Variants in CHN2 observed in about 807,000 individuals in gnomAD.
CHN2 encodes chimerin 2.
Under a neutral mutation model 56.3 loss-of-function variants are expected in CHN2, and 35 were observed. That is an observed-to-expected ratio of 0.62 (90% confidence interval 0.47 to 0.82). The LOEUF is 0.82. CHN2 is among the 40% of genes least tolerant of loss of function. The pLI, the probability that CHN2 is intolerant of heterozygous loss-of-function variation, is 0.00. For synonymous variants in CHN2, 210 were observed against 212.8 expected (o/e 0.99, Z 0.12); for missense variants, 491 against 580.5 (o/e 0.85, Z 1.58).
chr7:29,296,084 ATTTTT>A (rs11367150), intron 1 of CHN2, among the ~76,000 whole-genome samples: 3 of 145,358 alleles, frequency 2.1e-5, no homozygotes, highest in Non-Finnish European at 4.6e-5. Context: ...TGTAATCACC[ATTTTT>A]TTTTTTTTTT....
At chr7:29,448,984 G>A (rs1346806671) in intron 6 of CHN2, among the ~76,000 whole-genome samples, 3 of 152,194 alleles carry the variant, frequency 2.0e-5, no homozygotes, top group African/African-American at 7.2e-5. Context: ...GTGCTACCTC[G>A]CCCTTCATCA....
intron 3 of CHN2, among the ~76,000 whole-genome samples, chr7:29,390,398 G>T (rs1404501803): frequency 6.6e-6 from 1 of 152,214 alleles, no homozygotes; most frequent in East Asian, 1.9e-4. Context: ...AGGTTCACCA[G>T]GTGATGGATT....
intron 1 of CHN2, among the ~76,000 whole-genome samples, chr7:29,326,401 C>T (rs71541503): frequency 0.024 from 3,624 of 152,284 alleles, 54 homozygotes; most frequent in Non-Finnish European, 0.039. Context: ...TGTGATCCGC[C>T]TGCCTTGGCT....
rs59954760 is a variant in CHN2, at chr7:29,390,053, C to CAAAAAA, written c.145-3614_145-3609dup. On this transcript the variant is annotated intron_variant, in intron 3 of 12. Transcript: ENST00000222792. The stretch of plus-strand genomic sequence containing the variant: ...TGGGCAACAGAGCGAGACACTGTCT[C>CAAAAAA]AAAAAAAAAAAAAAAAAGAATCAGC... 2.5e-5 allele frequency among the ~76,000 whole-genome samples: 3 copies of CAAAAAA among 122,000 alleles called. No individual in the cohort carries two copies. The East Asian group carries it at 7.1e-4, about 29-fold the overall frequency. 80.0% of individuals were successfully genotyped at this position (122,000 alleles called of 152,430 possible).
At chr7:29,506,465 C>T (rs1790577919) in intron 10 of CHN2, among the ~76,000 whole-genome samples, 2 of 151,896 alleles carry the variant, frequency 1.3e-5, no homozygotes, top group South Asian at 4.2e-4. Flanking sequence ...AGTGAAACCC[C>T]CTCTCTACTA....
At chr7:29,382,238 G>A (rs1800569470) in intron 3 of CHN2, among the ~76,000 whole-genome samples, 1 of 152,192 alleles carries the variant, frequency 6.6e-6, no homozygotes, top group Admixed American at 6.5e-5. Flanking sequence ...TTCTACTCAA[G>A]TCTCAAATTC....
chr7:29,345,716 A>G (rs765659847), intron 1 of CHN2, among the ~76,000 whole-genome samples: 2 of 152,058 alleles, frequency 1.3e-5, no homozygotes, highest in African/African-American at 4.8e-5. Flanking sequence ...TTTATCCAAT[A>G]AGTACCTGTT....
intron 6 of CHN2, among the ~76,000 whole-genome samples, chr7:29,471,198 G>C (rs1469296665): frequency 1.3e-5 from 2 of 152,160 alleles, no homozygotes; most frequent in African/African-American, 2.4e-5. Context: ...TACTCTGATG[G>C]TAAAACATGT....
intron 12 of CHN2, among the ~76,000 whole-genome samples, 194 bp from the exon 13 acceptor site, chr7:29,512,370 G>A (rs1410418112): frequency 6.6e-6 from 1 of 152,148 alleles, no homozygotes; most frequent in African/African-American, 2.4e-5. Flanking sequence ...CACCGGCGAA[G>A]GCAATGTCAA....
At chr7:29,318,007 A>G (rs985697980) in intron 1 of CHN2, among the ~76,000 whole-genome samples, 7 of 152,122 alleles carry the variant, frequency 4.6e-5, no homozygotes, top group Non-Finnish European at 8.8e-5. Flanking sequence ...CAAACAAAAA[A>G]CAGATGTGTG....
chr7:29,275,730 A>C (rs1309687594), intron 1 of CHN2, among the ~76,000 whole-genome samples: 1 of 151,998 alleles, frequency 6.6e-6, no homozygotes, highest in Non-Finnish European at 1.5e-5. Context: ...TCTCAGGGTC[A>C]CTCAGGTTGC....
At chr7:29,489,703 G>A (rs1235508712) in intron 7 of CHN2, among the ~76,000 whole-genome samples, 1 of 152,188 alleles carries the variant, frequency 6.6e-6, no homozygotes, top group Admixed American at 6.5e-5. Flanking sequence ...TTTGGGGACT[G>A]TGTGGGGACA....
At chr7:29,236,303 C>T (rs140680275) in intron 1 of CHN2, among the ~76,000 whole-genome samples, 57 of 152,290 alleles carry the variant, frequency 3.7e-4, no homozygotes, top group African/African-American at 1.3e-3. Context: ...AATAGTGGAT[C>T]CTGACTATTC....
intron 1 of CHN2, among the ~76,000 whole-genome samples, chr7:29,255,077 C>A (rs1267778177): frequency 6.6e-6 from 1 of 152,124 alleles, no homozygotes; most frequent in Non-Finnish European, 1.5e-5. Flanking sequence ...ACACCAGGAG[C>A]CTGCCAGACA....
At chr7:29,152,066 T>A (rs1264758345) in intron 2 of CHN2, among the ~76,000 whole-genome samples, 1 of 152,236 alleles carries the variant, frequency 6.6e-6, no homozygotes, top group East Asian at 1.9e-4. Context: ...ATATTGTGCC[T>A]ATGAAGAGTT....
At chr7:29,336,868 C>T (rs1444493280) in intron 1 of CHN2, among the ~76,000 whole-genome samples, 4 of 151,998 alleles carry the variant, frequency 2.6e-5, no homozygotes, top group African/African-American at 9.7e-5. Context: ...ACCTTTCTCT[C>T]CCTCCCTGGC....
At chr7:29,157,484 ATTCACAGTCTCT>A (rs1335708029) in intron 2 of CHN2, among the ~76,000 whole-genome samples, 3 of 152,196 alleles carry the variant, frequency 2.0e-5, no homozygotes, top group Non-Finnish European at 4.4e-5. Flanking sequence ...ACAGTGGCTT[ATTCACAGTCTCT>A]TTCATGGACC....
chr7:29,507,174 T>C, intron 10 of CHN2, 54 bp from the exon 11 acceptor site: 3 of 1,470,132 alleles, frequency 2.0e-6, no homozygotes, highest in East Asian at 2.4e-5. Context: ...TTTCTGTACA[T>C]GCCTTGGTGA....
intron 6 of CHN2, among the ~76,000 whole-genome samples, chr7:29,440,141 A>G (rs1783523623): frequency 6.6e-6 from 1 of 152,226 alleles, no homozygotes; most frequent in South Asian, 2.1e-4. Flanking sequence ...CTGAAAAACA[A>G]CAAATTCTAG....
Sources: allele counts gnomAD v4.1 joint callset (sites outside exome capture counted in the v4.1 genomes callset), GRCh38; gene constraint gnomAD v4.1.1; transcripts MANE v1.5; gene names NCBI Gene and HGNC (gene_info 2026-07-23, HGNC 2026-07-21).